Variants in TNRC6C observed in about 807,000 individuals in gnomAD.
TNRC6C encodes trinucleotide repeat-containing gene 6C protein.
A neutral mutation model predicts 153.7 loss-of-function variants in TNRC6C; 20 were observed. That is an observed-to-expected ratio of 0.13 (90% CI 0.09 to 0.19). The LOEUF (loss-of-function observed/expected upper bound fraction) is 0.19, where lower values mean the gene tolerates loss of function less well. Ranked by LOEUF, TNRC6C falls within the 10% of genes least tolerant of loss-of-function variation. The probability of loss-of-function intolerance (pLI) is 1.00; values close to 1 mark genes in which losing one functional copy is unlikely to be tolerated. For synonymous variants in TNRC6C, 811 were observed against 841.4 expected (o/e 0.96, Z 0.63); for missense variants, 1,987 against 2,172.0 (o/e 0.91, Z 1.69).
chr17:78,074,584 C>T (rs377691595), intron 7 of TNRC6C, among the ~76,000 whole-genome samples: 13 of 152,312 alleles, frequency 8.5e-5, no homozygotes, highest in Admixed American at 3.3e-4. Context: ...CCAACAGAGC[C>T]GTGAGAACAG....
chr17:78,035,909 A>G lies in TNRC6C; in HGVS notation c.-219+4067A>G, dbSNP rs185266789. Among the ~76,000 whole-genome samples, 213 of 152,192 alleles carry G rather than the reference A, an allele frequency of 1.4e-3. 1 individual carries two copies. Among genetic ancestry groups the G allele is most frequent in the Non-Finnish European group, 2.5e-3 (170 of 68,000 alleles). ...CAACTTTCTTAAAAGTAATACATAG[A>G]TTTTCATTGTACTTTAATCTGTCAC... On this transcript the variant is annotated intron_variant, in intron 2 of 19. Coordinates refer to ENST00000301624, the Ensembl canonical transcript of TNRC6C.
Position 78,049,294 on chromosome 17 carries a change from A to G in TNRC6C, c.232A>G (p.Ile78Val). The G allele has an allele frequency of 1.2e-6, 2 of 1,613,758 alleles. No individual in the cohort carries two copies. Among genetic ancestry groups the G allele is most frequent in the South Asian group, 2.2e-5 (2 of 91,036 alleles). The stretch of plus-strand genomic sequence containing the variant: ...TGGGGATGGAAAAATGGACACTATG[A>G]TTGGAGATGGGAGAAGTCAGAATTG... The change falls in exon 3 of 20, where the codon ATT becomes GTT. Residue 78 changes from isoleucine (I) to valine (V), a missense_variant. Ile to Val is a conservative substitution (Grantham distance 29, BLOSUM62 3). Coordinates refer to ENST00000301624, the Ensembl canonical transcript of TNRC6C. This position sits in a 1 kb window ranked among gnomAD's most constrained non-coding sequence, Gnocchi z 4.1.
exon 20 of TNRC6C, chr17:78,106,982 T>C (rs2073709122): frequency 6.6e-6 from 1 of 152,206 alleles, no homozygotes; most frequent in South Asian, 2.1e-4. Context: ...AGACTTTTTT[T>C]CTCAAGTTTA....
At chr17:78,099,859 AAAATC>A (rs2073558113) in intron 17 of TNRC6C, among the ~76,000 whole-genome samples, 1 of 152,238 alleles carries the variant, frequency 6.6e-6, no homozygotes, top group Non-Finnish European at 1.5e-5. Flanking sequence ...ACAAGCCTGT[AAAATC>A]AAAAGCAACT....
In TNRC6C at chr17:78,075,060, C is replaced by T; in HGVS notation, c.2918-76C>T. The T allele has an allele frequency of 1.3e-6, 2 of 1,548,448 alleles. No homozygotes were observed. Among genetic ancestry groups the T allele is most frequent in the South Asian group, 1.2e-5 (1 of 83,766 alleles). ...GGAGGGTCTCCATCCCTCCTTGAGG[C>T]CTTAGCTGGTGCCTATCTTGTGCTC... On this transcript the variant is annotated intron_variant, in intron 7 of 19. Coordinates refer to ENST00000301624, the Ensembl canonical transcript of TNRC6C. The surrounding 1 kb of genome is among the most constrained non-coding windows in gnomAD (Gnocchi z 4.2).
In TNRC6C at chr17:77,986,933, A is replaced by G. The variant is rs535121687; in HGVS notation, c.-37-17237A>G. ...ACTTTAAATGAAGTATCATCTGTAT[A>G]ATAGAAAAAATTTTAAGAAATCTAG... On this transcript the variant is annotated intron_variant, in intron 1 of 22. Transcript: ENST00000636222. Among the ~76,000 whole-genome samples the G allele has an allele frequency of 6.0e-4, 92 of 152,322 alleles. 2 individuals are homozygous for G. Among genetic ancestry groups the G allele is most frequent in the Non-Finnish European group, 2.1e-4 (14 of 68,030 alleles).
chr17:77,993,971 T>A (rs369946633), intron 1 of TNRC6C, among the ~76,000 whole-genome samples: 4 of 152,088 alleles, frequency 2.6e-5, no homozygotes, highest in Admixed American at 2.0e-4. Flanking sequence ...GGTGGGCAGA[T>A]CACCTGAGGT....
chr17:77,976,116 G>A (rs2070994473), intron 1 of TNRC6C, among the ~76,000 whole-genome samples: 1 of 152,212 alleles, frequency 6.6e-6, no homozygotes, highest in Non-Finnish European at 1.5e-5. Context: ...GAGATAGTAT[G>A]TAAGTTTCTC....
At chr17:78,063,825 T>C (rs1268447996) in intron 3 of TNRC6C, among the ~76,000 whole-genome samples, 3 of 152,234 alleles carry the variant, frequency 2.0e-5, no homozygotes, top group Admixed American at 2.0e-4. Context: ...AAGAATAATA[T>C]TTCAGTATAT....
At chr17:77,964,564 G>A (rs2070883418) in intron 1 of TNRC6C, among the ~76,000 whole-genome samples, 1 of 152,194 alleles carries the variant, frequency 6.6e-6, no homozygotes, top group Non-Finnish European at 1.5e-5. Context: ...CAAAGATATT[G>A]TTTACTTTTT....
At chr17:78,032,677 G>T (rs1453591392) in intron 2 of TNRC6C, among the ~76,000 whole-genome samples, 1 of 152,166 alleles carries the variant, frequency 6.6e-6, no homozygotes, top group Non-Finnish European at 1.5e-5. Flanking sequence ...GTGCAAGGAG[G>T]CTTCTTAGAT....
intron 2 of TNRC6C, among the ~76,000 whole-genome samples, chr17:78,044,795 C>A (rs1033880259): frequency 6.6e-6 from 1 of 152,130 alleles, no homozygotes; most frequent in Non-Finnish European, 1.5e-5. Context: ...GGCTATTAGG[C>A]CCTTTACAGA....
chr17:78,052,573 T>G (rs1327140101), intron 3 of TNRC6C, among the ~76,000 whole-genome samples: 1 of 152,190 alleles, frequency 6.6e-6, no homozygotes, highest in East Asian at 1.9e-4. Context: ...CGGGGGCCAC[T>G]GGAGTTGGGG....
At chr17:78,073,764 A>G (rs972617164) in intron 7 of TNRC6C, among the ~76,000 whole-genome samples, 1 of 152,164 alleles carries the variant, frequency 6.6e-6, no homozygotes, top group African/African-American at 2.4e-5. Context: ...TTCTGTTTCA[A>G]GACACCTTAT....
rs191710599 is a variant in TNRC6C, at chr17:78,079,122, G to T, written c.3211-273G>T. 6.6e-6 allele frequency among the ~76,000 whole-genome samples: 1 copy of T among 151,576 alleles called. No individual in the cohort carries two copies. The highest frequency in any genetic ancestry group is 2.1e-4 in the South Asian group (1 of 4,798). On this transcript the variant is annotated intron_variant, in intron 9 of 19. Transcript: ENST00000301624. This position sits in a 1 kb window ranked among gnomAD's most constrained non-coding sequence, Gnocchi z 4.3. Reference sequence around the variant, plus strand: ...AAAAAAGCCAGGCATAGTGGCGGGGGTCTGTAATCCCAGCTACTCGGGAGG... The same window carrying T: ...AAAAAAGCCAGGCATAGTGGCGGGGTTCTGTAATCCCAGCTACTCGGGAGG...
At chr17:78,074,698 G>A (rs2073054630) in intron 7 of TNRC6C, among the ~76,000 whole-genome samples, 1 of 152,236 alleles carries the variant, frequency 6.6e-6, no homozygotes, top group Admixed American at 6.5e-5. Context: ...AGTAGGAGAG[G>A]ATCTTTTGCA....
chr17:78,056,467 C>CT (rs1158479097), intron 3 of TNRC6C, among the ~76,000 whole-genome samples: 1,958 of 138,934 alleles, frequency 0.014, 39 homozygotes, highest in East Asian at 0.072. Context: ...CCAGAAACTA[C>CT]TTTTTTTTTT....
intron 1 of TNRC6C, among the ~76,000 whole-genome samples, chr17:78,020,274 G>C (rs551559481): frequency 6.6e-6 from 1 of 152,220 alleles, no homozygotes; most frequent in Non-Finnish European, 1.5e-5. Flanking sequence ...GAACAAGTAC[G>C]TGGGTAAACT....
intron 1 of TNRC6C, among the ~76,000 whole-genome samples, chr17:77,960,258 T>A (rs1414021119): frequency 6.6e-6 from 1 of 152,240 alleles, no homozygotes; most frequent in Non-Finnish European, 1.5e-5. Flanking sequence ...TGGTGCTCTG[T>A]AGATGTCCAA....
Sources: allele counts gnomAD v4.1 joint callset (sites outside exome capture counted in the v4.1 genomes callset), GRCh38; gene constraint gnomAD v4.1.1; non-coding constraint Gnocchi (gnomAD v3.1); transcripts MANE v1.5; gene names NCBI Gene and HGNC (gene_info 2026-07-23, HGNC 2026-07-21).